Variants in ST3GAL4 observed in about 807,000 individuals in gnomAD.
ST3GAL4 encodes CMP-N-acetylneuraminate-beta-galactosamide-alpha-2,3-sialyltransferase 4.
A neutral mutation model predicts 42.6 loss-of-function variants in ST3GAL4; 24 were observed. That is an observed-to-expected ratio of 0.56 (90% CI 0.41 to 0.79). The LOEUF is 0.79. Among genes scored for constraint, ST3GAL4 ranks in the 30% least tolerant of loss-of-function variants. ST3GAL4 has a pLI of 0.00. For missense variants in ST3GAL4, 311 were observed against 430.8 expected (o/e 0.72, Z 2.46); for synonymous variants, 135 against 163.2 (o/e 0.83, Z 1.32).
intron 1 of ST3GAL4, among the ~76,000 whole-genome samples, chr11:126,402,097 G>C (rs1565419654): frequency 2.0e-5 from 3 of 148,342 alleles, no homozygotes; most frequent in African/African-American, 7.4e-5. Flanking sequence ...GGGAAAGAGG[G>C]GAGGTAGGAG....
rs12283025 is a variant in ST3GAL4, at chr11:126,377,562, G to A, written c.-61+21720G>A. ...TGCAGTGGTGTGATCTTGGCTCACT[G>A]CAGCCTCTACCTCCTGGGTTCAAGT... On this transcript the variant is annotated intron_variant, in intron 1 of 10. Coordinates refer to ENST00000444328, the MANE Select transcript of ST3GAL4 (RefSeq NM_001254757.2). Among the ~76,000 whole-genome samples, 950 of 146,494 alleles carry A rather than the reference G, an allele frequency of 6.5e-3. 12 individuals carry two copies. The highest frequency in any genetic ancestry group is 0.021 in the African/African-American group (807 of 39,332).
At chr11:126,369,935 T>A in intron 1 of ST3GAL4, among the ~76,000 whole-genome samples, 1 of 152,244 alleles carries the variant, frequency 6.6e-6, no homozygotes, top group East Asian at 1.9e-4. Flanking sequence ...GCCTTTTACA[T>A]CTTAATATTA....
At chr11:126,360,712 G>A (rs980943431) in intron 1 of ST3GAL4, among the ~76,000 whole-genome samples, 11 of 152,172 alleles carry the variant, frequency 7.2e-5, no homozygotes, top group Admixed American at 2.0e-4. Flanking sequence ...GTGAGCCACC[G>A]TGCCCAGCCG....
Position 126,408,225 on chromosome 11 carries a change from T to G in ST3GAL4, c.437+31T>G, listed in dbSNP as rs369304307. On this transcript the variant is annotated intron_variant, in intron 7 of 10. Transcript: ENST00000444328. Reference sequence around the variant, plus strand: ...TGTGACTGTCTCTTCCTACTGTTGTTTGGGAACTGGATGTCCGAGCCAGGG... The same window carrying G: ...TGTGACTGTCTCTTCCTACTGTTGTGTGGGAACTGGATGTCCGAGCCAGGG... 3.1e-5 allele frequency: 50 copies of G among 1,613,238 alleles called. No individual in the cohort carries two copies. The African/African-American group carries it at 4.9e-4, about 16-fold the overall frequency.
intron 1 of ST3GAL4, among the ~76,000 whole-genome samples, chr11:126,367,655 C>T (rs144658203): frequency 2.0e-5 from 3 of 152,264 alleles, no homozygotes; most frequent in Admixed American, 6.5e-5. Flanking sequence ...ATTTAAAAGA[C>T]GAGGACTCTG....
chr11:126,391,935 T>TTGTGTG lies in ST3GAL4; in HGVS notation c.-60-14161_-60-14160insTGTGTG, dbSNP rs1565412210. ...GCTCAGAACACCTGTGATAACTTGG[T>TTGTGTG]CGTGTGTGTGTGTGTGTGTGTGTGT... On this transcript the variant is annotated intron_variant, in intron 1 of 10. Transcript: ENST00000444328. This position sits in a 1 kb window ranked among gnomAD's most constrained non-coding sequence, Gnocchi z 5.5. Among the ~76,000 whole-genome samples, 12 of 114,154 alleles carry TTGTGTG rather than the reference T, an allele frequency of 1.1e-4. No individual in the cohort carries two copies. Among genetic ancestry groups the TTGTGTG allele is most frequent in the African/African-American group, 4.4e-4 (12 of 27,572 alleles). 74.9% of individuals were successfully genotyped at this position (114,154 alleles called of 152,430 possible). A position where few individuals can be genotyped will look rare whatever the true frequency, so the allele number is the denominator to read the frequency against.
rs1214380177 is a variant in ST3GAL4 at position 126,410,245 on chromosome 11, T to A, written c.771+834T>A. 3.3e-5 allele frequency among the ~76,000 whole-genome samples: 5 copies of A among 152,242 alleles called. No homozygotes were observed. The highest frequency in any genetic ancestry group is 3.2e-3 in the Middle Eastern group (1 of 316). ...TATGTGTTTCTTCTTTTTAACCTGATGTCCTTGAGCCATAGCAAGTTATGG... is the reference window on the plus strand; with the variant it reads ...TATGTGTTTCTTCTTTTTAACCTGAAGTCCTTGAGCCATAGCAAGTTATGG... On this transcript the variant is annotated intron_variant, in intron 9 of 10. Coordinates refer to ENST00000444328, the MANE Select transcript of ST3GAL4 (RefSeq NM_001254757.2). This position sits in a 1 kb window ranked among gnomAD's most constrained non-coding sequence, Gnocchi z 5.3.
intron 1 of ST3GAL4, among the ~76,000 whole-genome samples, chr11:126,371,413 G>C (rs759515845): frequency 6.6e-6 from 1 of 150,798 alleles, no homozygotes; most frequent in Admixed American, 6.6e-5. Flanking sequence ...TCCGCCCACC[G>C]TGGCCTCCCA....
At position 126,405,931 on chromosome 11, in the gene ST3GAL4, A is replaced by G; in HGVS notation, c.-60-165A>G. On this transcript the variant is annotated intron_variant, in intron 1 of 10. Transcript: ENST00000444328. ...CCTTAATGCCGCCCTTGGAGGAGTT[A>G]GGAGGATCCTGGATGAGAAAACTCA... 2.4e-5 allele frequency: 19 copies of G among 806,004 alleles called. No homozygotes were observed. The South Asian group carries it at 3.1e-4, about 13-fold the overall frequency. The allele number at this position is 806,004 out of a possible 1,614,324, so 49.9% of individuals were successfully genotyped here.
chr11:126,382,082 T>G (rs1953026814), intron 1 of ST3GAL4, among the ~76,000 whole-genome samples: 1 of 152,130 alleles, frequency 6.6e-6, no homozygotes, highest in South Asian at 2.1e-4. Context: ...CGTTCTCTCC[T>G]GAGCATCGCT....
In ST3GAL4 at chr11:126,414,155, C is replaced by T. The variant is rs560661333; in HGVS notation, c.*108C>T. On this transcript the variant is annotated 3_prime_UTR_variant, in exon 11 of 11. Transcript: ENST00000444328. ...CAGTATGACCCACTTGGACTCACCCCCTCTTGGGGAGGGAGTTCTGGGCCT... is the reference window on the plus strand; with the variant it reads ...CAGTATGACCCACTTGGACTCACCCTCTCTTGGGGAGGGAGTTCTGGGCCT... The T allele has an allele frequency of 1.8e-6, 2 of 1,086,456 alleles. No individual in the cohort carries two copies. The highest frequency in any genetic ancestry group is 4.8e-5 in the East Asian group (2 of 41,888). 67.3% of individuals were successfully genotyped at this position (1,086,456 alleles called of 1,614,324 possible).
chr11:126,404,782 G>A (rs912780925), intron 1 of ST3GAL4, among the ~76,000 whole-genome samples: 2 of 152,226 alleles, frequency 1.3e-5, no homozygotes, highest in East Asian at 1.9e-4. Flanking sequence ...CTGCCTGGCT[G>A]TCTCCTCTGA....
chr11:126,386,862 C>T lies in ST3GAL4; in HGVS notation c.-60-19234C>T, dbSNP rs574380676. Among the ~76,000 whole-genome samples the T allele has an allele frequency of 1.8e-3, 278 of 152,284 alleles. 1 individual carries two copies. The highest frequency in any genetic ancestry group is 6.3e-3 in the African/African-American group (261 of 41,558). On this transcript the variant is annotated intron_variant, in intron 1 of 10. Coordinates refer to ENST00000444328, the MANE Select transcript of ST3GAL4 (RefSeq NM_001254757.2). This position sits in a 1 kb window ranked among gnomAD's most constrained non-coding sequence, Gnocchi z 4.7. Reference sequence around the variant, plus strand: ...TGAATGGTGTTGCTGCTAATCTCTACAGCACTTTCCTGTAAATTAGGAACG... The same window carrying T: ...TGAATGGTGTTGCTGCTAATCTCTATAGCACTTTCCTGTAAATTAGGAACG...
chr11:126,369,570 T>C (rs1157234161), intron 1 of ST3GAL4, among the ~76,000 whole-genome samples: 2 of 152,180 alleles, frequency 1.3e-5, no homozygotes, highest in Non-Finnish European at 2.9e-5. Context: ...TTAAAATCCC[T>C]ATTTACCCAG....
chr11:126,380,592 G>C (rs146460689), intron 1 of ST3GAL4, among the ~76,000 whole-genome samples: 1 of 152,320 alleles, frequency 6.6e-6, no homozygotes, highest in Non-Finnish European at 1.5e-5. Context: ...TTAGTTTTGT[G>C]ATACCATTTC....
intron 1 of ST3GAL4, chr11:126,358,320 C>G (rs1043384564): frequency 3.5e-6 from 1 of 285,638 alleles, no homozygotes; most frequent in Non-Finnish European, 7.4e-6. Flanking sequence ...CGACCTTGAC[C>G]TGAAGCTTTT....
At chr11:126,380,580 T>C (rs1017405191) in intron 1 of ST3GAL4, among the ~76,000 whole-genome samples, 1 of 152,246 alleles carries the variant, frequency 6.6e-6, no homozygotes, top group Non-Finnish European at 1.5e-5. Flanking sequence ...ATTTAGCTAA[T>C]TTTAGTTTTG....
rs1953552446 is a variant in ST3GAL4 at position 126,392,367 on chromosome 11, G to A, written c.-60-13729G>A. ...AGACATGGAGCTGGTAAGTGGTTAA[G>A]ATCAGTCGGACATGACAACCTCCAG... On this transcript the variant is annotated intron_variant, in intron 1 of 10. Transcript: ENST00000444328. The surrounding 1 kb of genome is among the most constrained non-coding windows in gnomAD (Gnocchi z 5.8). The A allele has an allele frequency of 1.0e-5, 10 of 985,774 alleles. No homozygotes were observed. The South Asian group carries it at 4.7e-4, about 46-fold the overall frequency. The allele number at this position is 985,774 out of a possible 1,614,324, so 61.1% of individuals were successfully genotyped here. A position where few individuals can be genotyped will look rare whatever the true frequency, so the allele number is the denominator to read the frequency against.
intron 1 of ST3GAL4, among the ~76,000 whole-genome samples, chr11:126,385,144 C>T (rs772869803): frequency 6.6e-6 from 1 of 151,698 alleles, no homozygotes; most frequent in African/African-American, 2.4e-5. Flanking sequence ...TGGTCCAGGT[C>T]ACCTGGTCAG....
Sources: allele counts gnomAD v4.1 joint callset (sites outside exome capture counted in the v4.1 genomes callset), GRCh38; gene constraint gnomAD v4.1.1; non-coding constraint Gnocchi (gnomAD v3.1); transcripts MANE v1.5; gene names NCBI Gene and HGNC (gene_info 2026-07-23, HGNC 2026-07-21).